Variants in PTPN13 observed in about 807,000 individuals in gnomAD.
PTPN13 encodes tyrosine-protein phosphatase non-receptor type 13.
PTPN13 carries 191 observed loss-of-function variants against 284.0 expected under a neutral mutation model. The observed-to-expected ratio is 0.67, with a 90% CI of 0.60 to 0.76. The LOEUF (loss-of-function observed/expected upper bound fraction) is 0.76. Ranked by LOEUF, PTPN13 falls within the 30% of genes least tolerant of loss-of-function variation. The pLI is 0.00. For missense variants in PTPN13, 2,797 were observed against 2,939.9 expected, an observed-to-expected ratio of 0.95 and a Z score of 1.12; for synonymous variants, 986 against 1,022.3, an observed-to-expected ratio of 0.96 and a Z score of 0.68.
chr4:86,747,965 G>A (rs1323437270), intron 17 of PTPN13, among the ~76,000 whole-genome samples: 1 of 152,214 alleles, frequency 6.6e-6, no homozygotes, highest in East Asian at 1.9e-4. Flanking sequence ...AACAGGTTCA[G>A]AGAAGATAGT....
intron 35 of PTPN13, among the ~76,000 whole-genome samples, chr4:86,777,579 T>C (rs1740801286): frequency 6.6e-6 from 1 of 152,052 alleles, no homozygotes; most frequent in South Asian, 2.1e-4. Flanking sequence ...TGTAAACATC[T>C]TGGAAGGGGA....
chr4:86,600,827 T>C (rs1268010455), intron 1 of PTPN13, among the ~76,000 whole-genome samples: 1 of 152,068 alleles, frequency 6.6e-6, no homozygotes, highest in Non-Finnish European at 1.5e-5. Context: ...TAGGTCTTAG[T>C]GTAGTTAAAT....
At chr4:86,759,523 T>G (rs1738417058) in intron 23 of PTPN13, among the ~76,000 whole-genome samples, 1 of 152,208 alleles carries the variant, frequency 6.6e-6, no homozygotes, top group Non-Finnish European at 1.5e-5. Flanking sequence ...GAGTAGACAG[T>G]GATCTTTGCC....
intron 1 of PTPN13, among the ~76,000 whole-genome samples, chr4:86,605,736 T>C (rs920435810): frequency 1.3e-5 from 2 of 151,882 alleles, no homozygotes; most frequent in African/African-American, 4.8e-5. Context: ...TAAGATTTTA[T>C]AGATAATTTA....
chr4:86,662,488 C>A (rs781116980), intron 2 of PTPN13, among the ~76,000 whole-genome samples: 1 of 152,094 alleles, frequency 6.6e-6, no homozygotes, highest in South Asian at 2.1e-4. Context: ...CGCACCACCA[C>A]GCCCAGCTAA....
chr4:86,635,459 G>A (rs547204420), intron 2 of PTPN13, 88 bp downstream of exon 2: 1 of 1,509,724 alleles, frequency 6.6e-7, no homozygotes, highest in Non-Finnish European at 8.9e-7. Flanking sequence ...TTAGATTTTT[G>A]TTTCATTATT....
At position 86,785,373 on chromosome 4, in the gene PTPN13, G is replaced by A. The variant is rs756617047; in HGVS notation, c.6256+5G>A. ...CAGGATACTCCTGTGGTCCAGGTACGTGAACCAGATGAATAAATTGGTATA... is the reference window on the plus strand; with the variant it reads ...CAGGATACTCCTGTGGTCCAGGTACATGAACCAGATGAATAAATTGGTATA... On this transcript the variant is annotated splice_donor_5th_base_variant and intron_variant, in intron 39 of 47. Coordinates refer to ENST00000411767, the MANE Select transcript of PTPN13 (RefSeq NM_080683.3). The A allele has an allele frequency of 6.8e-6, 11 of 1,605,890 alleles. No individual in the cohort carries two copies. The highest frequency in any genetic ancestry group is 1.3e-5 in the African/African-American group (1 of 74,398).
chr4:86,733,029 T>C (rs1307991329), intron 12 of PTPN13, among the ~76,000 whole-genome samples: 1 of 152,070 alleles, frequency 6.6e-6, no homozygotes, highest in Non-Finnish European at 1.5e-5. Context: ...TAATTATATT[T>C]TAGGGACCGT....
chr4:86,800,468 C>G (rs1743887383), intron 42 of PTPN13, among the ~76,000 whole-genome samples: 1 of 151,900 alleles, frequency 6.6e-6, no homozygotes, highest in South Asian at 2.1e-4. Flanking sequence ...GCCTGACCAA[C>G]AGGCAAAACC....
At chr4:86,604,763 T>G (rs1282939267) in intron 1 of PTPN13, among the ~76,000 whole-genome samples, 3 of 152,044 alleles carry the variant, frequency 2.0e-5, no homozygotes, top group African/African-American at 7.2e-5. Flanking sequence ...TGTAAACTAA[T>G]TATACTACTG....
At chr4:86,758,422 G>A (rs1458159333) in intron 21 of PTPN13, 73 bp downstream of exon 21, 7 of 1,268,064 alleles carry the variant, frequency 5.5e-6, no homozygotes, top group Admixed American at 4.0e-5. Context: ...GCATAGCATT[G>A]GCATTGCAGT....
At chr4:86,614,032 TG>T (rs1032970996) in intron 1 of PTPN13, among the ~76,000 whole-genome samples, 1 of 152,180 alleles carries the variant, frequency 6.6e-6, no homozygotes, top group African/African-American at 2.4e-5. Context: ...TCAATCCTAT[TG>T]TTTTTAAGGG....
At chr4:86,613,979 A>G (rs559213152) in intron 1 of PTPN13, among the ~76,000 whole-genome samples, 17 of 152,342 alleles carry the variant, frequency 1.1e-4, no homozygotes, top group Non-Finnish European at 2.1e-4. Context: ...AAATGGAAGA[A>G]GAATATCTGT....
intron 7 of PTPN13, among the ~76,000 whole-genome samples, chr4:86,713,961 G>C (rs995425283): frequency 6.6e-6 from 1 of 151,662 alleles, no homozygotes; most frequent in Non-Finnish European, 1.5e-5. Flanking sequence ...CCTCAGGTTT[G>C]CAGACTAGCA....
rs1327137444 is a variant in PTPN13, at chr4:86,766,537, A to G, written c.4329+20A>G. 1 of 1,536,190 alleles carries G rather than the reference A, an allele frequency of 6.5e-7. No homozygotes were observed. Among genetic ancestry groups the G allele is most frequent in the East Asian group, 2.3e-5 (1 of 43,920 alleles). ...GGACAGGTAACAGATCATTATACCAACCTTTTACAGTACCTTAGAAGAGCA... is the reference window on the plus strand; with the variant it reads ...GGACAGGTAACAGATCATTATACCAGCCTTTTACAGTACCTTAGAAGAGCA... On this transcript the variant is annotated intron_variant, in intron 27 of 47. Coordinates refer to ENST00000411767, the MANE Select transcript of PTPN13 (RefSeq NM_080683.3).
At chr4:86,681,711 T>C (rs1271674386) in intron 3 of PTPN13, among the ~76,000 whole-genome samples, 1 of 152,158 alleles carries the variant, frequency 6.6e-6, no homozygotes, top group African/African-American at 2.4e-5. Flanking sequence ...GCAGATCACC[T>C]GAGGTCAGGA....
At chr4:86,713,420 A>G (rs1041034272) in intron 7 of PTPN13, among the ~76,000 whole-genome samples, 1 of 152,128 alleles carries the variant, frequency 6.6e-6, no homozygotes, top group African/African-American at 2.4e-5. Context: ...ATTAAATAAA[A>G]TTATTGTTTT....
At chr4:86,642,376 A>G (rs1196679001) in intron 2 of PTPN13, among the ~76,000 whole-genome samples, 2 of 151,252 alleles carry the variant, frequency 1.3e-5, no homozygotes, top group African/African-American at 4.9e-5. Flanking sequence ...TTTACTAAGA[A>G]TCTTCCTGTG....
At chr4:86,709,133 T>C (rs1293782251) in intron 7 of PTPN13, among the ~76,000 whole-genome samples, 1 of 152,042 alleles carries the variant, frequency 6.6e-6, no homozygotes. Flanking sequence ...AGATGATTGA[T>C]TGATAGATCT....
Sources: allele counts gnomAD v4.1 joint callset (sites outside exome capture counted in the v4.1 genomes callset), GRCh38; gene constraint gnomAD v4.1.1; transcripts MANE v1.5; gene names NCBI Gene and HGNC (gene_info 2026-07-23, HGNC 2026-07-21).